The following MCTP1 variants were observed in gnomAD, a reference collection of about 807,000 sequenced individuals.
MCTP1 encodes the protein multiple C2 and transmembrane domain-containing protein 1.
A neutral mutation model predicts 120.6 loss-of-function variants in MCTP1; 69 were observed. That is an observed-to-expected ratio of 0.57 (90% confidence interval 0.47 to 0.70). MCTP1 has a LOEUF of 0.70. Ranked by LOEUF, MCTP1 falls within the 30% of genes least tolerant of loss-of-function variation. MCTP1 has a pLI of 0.00. For missense variants in MCTP1, 1,203 were observed against 1,248.8 expected (o/e 0.96, Z 0.55); for synonymous variants, 529 against 493.1 (o/e 1.07, Z -0.96).
Position 94,982,884 on chromosome 5 carries a change from C to CAAAAAAAAAAAAA in MCTP1, c.839-29536_839-29524dup, listed in dbSNP as rs34561115. On this transcript the variant is annotated intron_variant, in intron 2 of 22. Coordinates refer to ENST00000515393, the MANE Select transcript of MCTP1 (RefSeq NM_024717.7). Reference sequence around the variant, plus strand: ...ACCTGGGGGACAGAGCACACTTCATCAAAAAAAAAAAAAAAAAAAAAAAAA... The same window carrying CAAAAAAAAAAAAA: ...ACCTGGGGGACAGAGCACACTTCATCAAAAAAAAAAAAAAAAAAAAAAAAAAAAAAAAAAAAAA... Among the ~76,000 whole-genome samples the CAAAAAAAAAAAAA allele has an allele frequency of 1.4e-3, 39 of 28,618 alleles. 7 individuals carry two copies. The highest frequency in any genetic ancestry group is 2.1e-3 in the Non-Finnish European group (25 of 12,000). The allele number at this position is 28,618 out of a possible 152,430, so 18.8% of individuals were successfully genotyped here.
intron 1 of MCTP1, among the ~76,000 whole-genome samples, chr5:95,033,546 C>A (rs1007734568): frequency 6.6e-6 from 1 of 152,032 alleles, no homozygotes; most frequent in Admixed American, 6.6e-5. Flanking sequence ...GATAAAAACT[C>A]TCAACAAACC....
rs143361658 is a variant in MCTP1, at chr5:95,117,972, A to G, written c.721-100488T>C. ...AATGGGAGCTGAACAATGAGGACAC[A>G]CGGACACAGGGAGAAGAAAGGGGAA... On this transcript the variant is annotated intron_variant, in intron 1 of 22. Coordinates refer to ENST00000515393, the MANE Select transcript of MCTP1 (RefSeq NM_024717.7). Among the ~76,000 whole-genome samples, 681 of 152,252 alleles carry G rather than the reference A, an allele frequency of 4.5e-3. 13 individuals carry two copies. Among genetic ancestry groups the G allele is most frequent in the African/African-American group, 0.016 (650 of 41,544 alleles).
chr5:94,753,549 T>C (rs542450190), intron 19 of MCTP1, among the ~76,000 whole-genome samples: 1 of 152,236 alleles, frequency 6.6e-6, no homozygotes, highest in Non-Finnish European at 1.5e-5. Context: ...TTTCCTTTGT[T>C]GTAATAATGA....
Position 95,143,256 on chromosome 5 carries a change from T to C in MCTP1, c.721-125772A>G, listed in dbSNP as rs186597544. On this transcript the variant is annotated intron_variant, in intron 1 of 22. Transcript: ENST00000515393. Reference sequence around the variant, plus strand: ...GGCTTCTTTCTCACCAATAGGCTCATAGGTTTTAACAAAAATTTTTCCTAT... The same window carrying C: ...GGCTTCTTTCTCACCAATAGGCTCACAGGTTTTAACAAAAATTTTTCCTAT... Among the ~76,000 whole-genome samples, 5 of 152,252 alleles carry C rather than the reference T, an allele frequency of 3.3e-5. No homozygotes were observed. In the East Asian group the frequency reaches 7.7e-4, roughly 24 times the overall value.
At chr5:95,232,214 C>T (rs1266301542) in intron 1 of MCTP1, among the ~76,000 whole-genome samples, 1 of 130,172 alleles carries the variant, frequency 7.7e-6, no homozygotes, top group Non-Finnish European at 1.7e-5. Context: ...AATAATTATA[C>T]CATCAAAAAA....
intron 2 of MCTP1, among the ~76,000 whole-genome samples, chr5:94,994,109 T>G (rs979166207): frequency 6.6e-6 from 1 of 152,178 alleles, no homozygotes; most frequent in Non-Finnish European, 1.5e-5. Flanking sequence ...CAATTTGAGC[T>G]CAGGTTCAGA....
At chr5:94,902,727 A>G (rs1169547541) in intron 10 of MCTP1, among the ~76,000 whole-genome samples, 1 of 152,202 alleles carries the variant, frequency 6.6e-6, no homozygotes, top group East Asian at 1.9e-4. Context: ...ACTATGCAGA[A>G]GTTTTTACTC....
At chr5:94,919,244 A>G (rs1810936863) in intron 7 of MCTP1, among the ~76,000 whole-genome samples, 1 of 152,234 alleles carries the variant, frequency 6.6e-6, no homozygotes, top group African/African-American at 2.4e-5. Context: ...GTGAAGTCAT[A>G]GAATCTAGCA....
intron 1 of MCTP1, among the ~76,000 whole-genome samples, chr5:95,204,168 A>G (rs943817209): frequency 2.6e-5 from 4 of 152,216 alleles, no homozygotes; most frequent in Non-Finnish European, 5.9e-5. Context: ...ACTCAAAGTC[A>G]ATTTATTCCA....
intron 1 of MCTP1, among the ~76,000 whole-genome samples, chr5:95,090,956 A>T (rs183419175): frequency 1.6e-4 from 25 of 152,270 alleles, no homozygotes; most frequent in South Asian, 8.3e-4. Flanking sequence ...CAAAAAACGC[A>T]ATTACTTTTG....
intron 1 of MCTP1, among the ~76,000 whole-genome samples, chr5:95,223,240 C>G (rs1248733938): frequency 6.6e-6 from 1 of 151,938 alleles, no homozygotes; most frequent in Non-Finnish European, 1.5e-5. Context: ...TCACTTGAGC[C>G]CAGGAGTTTG....
chr5:94,804,534 G>T (rs700571), intron 17 of MCTP1, among the ~76,000 whole-genome samples: 34,018 of 151,986 alleles, frequency 0.22, 4,714 homozygotes, highest in East Asian at 0.32. Flanking sequence ...TGCCTCCCAG[G>T]TTCATGCCAT....
chr5:95,275,814 C>T (rs1759781513), intron 1 of MCTP1, among the ~76,000 whole-genome samples: 1 of 151,662 alleles, frequency 6.6e-6, no homozygotes, highest in Admixed American at 6.6e-5. Context: ...TCTCTGGATG[C>T]TAAATGGTTG....
At chr5:94,826,862 GTC>G (rs1198743594) in intron 17 of MCTP1, among the ~76,000 whole-genome samples, 1 of 125,028 alleles carries the variant, frequency 8.0e-6, no homozygotes, top group Non-Finnish European at 1.6e-5. Context: ...GCCTGTGTGT[GTC>G]TTTGCTTTTG....
At chr5:94,923,335 G>A (rs1413933947) in intron 7 of MCTP1, among the ~76,000 whole-genome samples, 8 of 151,984 alleles carry the variant, frequency 5.3e-5, no homozygotes, top group African/African-American at 1.9e-4. Flanking sequence ...AATAAATTGT[G>A]CTGTGCATAA....
Position 95,147,337 on chromosome 5 carries a change from C to T in MCTP1, c.721-129853G>A, listed in dbSNP as rs186340451. On this transcript the variant is annotated intron_variant, in intron 1 of 22. Coordinates refer to ENST00000515393, the MANE Select transcript of MCTP1 (RefSeq NM_024717.7). ...TCCTGACCTCGTGATCCACCTGCCT[C>T]GGTCTCCCAAAGTGCTGGGATTACA... 2.7e-3 allele frequency among the ~76,000 whole-genome samples: 404 copies of T among 152,260 alleles called. 1 individual carries two copies. The Middle Eastern group carries it at 0.031, about 12-fold the overall frequency.
At chr5:94,804,487 G>A (rs913213081) in intron 17 of MCTP1, among the ~76,000 whole-genome samples, 25 of 151,958 alleles carry the variant, frequency 1.6e-4, no homozygotes, top group African/African-American at 6.0e-4. Flanking sequence ...TGCCCAGGTT[G>A]GGGTGCAGTG....
chr5:95,103,108 TTTTATTAATA>T (rs1253976997), intron 1 of MCTP1, among the ~76,000 whole-genome samples: 2 of 151,622 alleles, frequency 1.3e-5, no homozygotes, highest in African/African-American at 4.8e-5. Flanking sequence ...GTTATTATTG[TTTTATTAATA>T]TTTATTATTT....
Position 94,799,079 on chromosome 5 carries a change from C to T in MCTP1, c.2490G>A (p.Leu830=). 1.2e-6 allele frequency: 2 copies of T among 1,612,076 alleles called. No homozygotes were observed. The highest frequency in any genetic ancestry group is 1.1e-5 in the South Asian group (1 of 90,988). ...AGTAGTTCCATGTCAATAGTAACAA[C>T]AAAACCAGTGGTATCATGTAGAGCT... ...NFELYMIPLV[L]LLLLTWNYFL... is the part of the protein sequence containing the mutation. Residue 830 remains leucine, a synonymous_variant, in exon 18 of 23, where the codon TTG becomes TTA. Transcript: ENST00000515393.
Sources: allele counts gnomAD v4.1 joint callset (sites outside exome capture counted in the v4.1 genomes callset), GRCh38; gene constraint gnomAD v4.1.1; transcripts MANE v1.5; gene names NCBI Gene and HGNC (gene_info 2026-07-23, HGNC 2026-07-21).